Variants in SBF2 observed in about 807,000 individuals in gnomAD.
SBF2 encodes myotubularin-related protein 13.
In SBF2, 112 loss-of-function variants were observed where a neutral mutation model predicts 225.2. The observed-to-expected ratio is 0.50, with a 90% CI of 0.43 to 0.58. The LOEUF is 0.58. Among genes scored for constraint, SBF2 ranks in the 20% least tolerant of loss-of-function variants. The pLI is 0.00. For missense variants in SBF2, 1,996 were observed against 2,206.2 expected (o/e 0.90, Z 1.91); for synonymous variants, 763 against 773.3 (o/e 0.99, Z 0.22).
At chr11:9,881,957 C>A (rs1859799015) in intron 17 of SBF2, among the ~76,000 whole-genome samples, 1 of 152,142 alleles carries the variant, frequency 6.6e-6, no homozygotes, top group African/African-American at 2.4e-5. Flanking sequence ...CACTGCACTT[C>A]AGCCTAGGTG....
chr11:10,057,455 G>C (rs1481647307), intron 2 of SBF2, among the ~76,000 whole-genome samples: 1 of 152,084 alleles, frequency 6.6e-6, no homozygotes, highest in Admixed American at 6.5e-5. Flanking sequence ...TTCTCCCATG[G>C]GTCCCACAAA....
rs1407928850 is a variant in SBF2 at position 9,781,630 on chromosome 11, G to A, written c.5328C>T (p.Tyr1776=). 1 of 1,614,212 alleles carries A rather than the reference G, an allele frequency of 6.2e-7. No individual in the cohort carries two copies. Among genetic ancestry groups the A allele is most frequent in the South Asian group, 1.1e-5 (1 of 91,086 alleles). ...AGCTTGTGTCCTCACCTGAGTCATA[G>A]TAGCGCAGCTGGAACCAAAAGGATA... is the stretch of plus-strand genomic sequence containing the variant. The part of the protein sequence containing the change: ...VLDVTKHQLR[Y]YDSGEDTSCK... Residue 1776 remains tyrosine (Y), a synonymous_variant, in exon 39 of 40, where the codon TAC becomes TAT. Coordinates refer to ENST00000256190, the MANE Select transcript of SBF2 (RefSeq NM_030962.4).
chr11:9,922,620 G>C lies in SBF2; in HGVS notation c.1861-26609C>G, dbSNP rs114420572. ...TTAAAGAAATGTTATTATGGTTATA[G>C]ACCAAACACCATTATCATTTAAAGA... is the stretch of plus-strand genomic sequence containing the variant. On this transcript the variant is annotated intron_variant, in intron 16 of 39. Coordinates refer to ENST00000256190, the MANE Select transcript of SBF2 (RefSeq NM_030962.4). Among the ~76,000 whole-genome samples, 530 of 152,036 alleles carry C rather than the reference G, an allele frequency of 3.5e-3. 4 individuals are homozygous for C. The highest frequency in any genetic ancestry group is 0.012 in the African/African-American group (497 of 41,464).
intron 35 of SBF2, among the ~76,000 whole-genome samples, chr11:9,788,140 C>G (rs891724872): frequency 6.6e-5 from 10 of 152,170 alleles, no homozygotes; most frequent in African/African-American, 2.4e-4. Flanking sequence ...GGAGGAACCC[C>G]TCAACTCTGA....
chr11:9,824,411 G>T (rs1449469317), intron 28 of SBF2, among the ~76,000 whole-genome samples: 1 of 151,966 alleles, frequency 6.6e-6, no homozygotes, highest in African/African-American at 2.4e-5. Flanking sequence ...ACAAAAATTA[G>T]CTGGGCACGG....
chr11:9,926,820 T>A (rs750630312), intron 16 of SBF2, among the ~76,000 whole-genome samples: 1 of 152,094 alleles, frequency 6.6e-6, no homozygotes, highest in African/African-American at 2.4e-5. Context: ...ATCAATCACA[T>A]TAGCATCTAC....
At chr11:10,240,847 C>T (rs1022860486) in intron 1 of SBF2, among the ~76,000 whole-genome samples, 10 of 152,072 alleles carry the variant, frequency 6.6e-5, no homozygotes, top group East Asian at 5.8e-4. Context: ...TATTAAAGTT[C>T]GCAATACGTG....
intron 2 of SBF2, among the ~76,000 whole-genome samples, chr11:10,105,674 T>C (rs1458014022): frequency 2.0e-5 from 3 of 152,222 alleles, no homozygotes; most frequent in Non-Finnish European, 4.4e-5. Context: ...TGTCAAACAC[T>C]TGCTCTCTTA....
intron 1 of SBF2, among the ~76,000 whole-genome samples, chr11:10,234,599 G>C (rs555460285): frequency 1.3e-5 from 2 of 152,036 alleles, no homozygotes; most frequent in Non-Finnish European, 2.9e-5. Flanking sequence ...GATTTTAATT[G>C]ACAACAAAAT....
chr11:10,053,984 A>G (rs1950158161), intron 2 of SBF2, among the ~76,000 whole-genome samples: 1 of 152,106 alleles, frequency 6.6e-6, no homozygotes, highest in Admixed American at 6.6e-5. Context: ...AGAGAAGTCA[A>G]TTTAAGAGTT....
chr11:10,014,156 A>G (rs994980155), intron 6 of SBF2, among the ~76,000 whole-genome samples: 2 of 152,122 alleles, frequency 1.3e-5, no homozygotes, highest in African/African-American at 2.4e-5. Context: ...TCAAAGACCA[A>G]AATTTTAGGT....
chr11:10,051,302 G>C (rs12288355), intron 2 of SBF2, among the ~76,000 whole-genome samples: 70,073 of 151,766 alleles, frequency 0.46, 16,566 homozygotes, highest in Admixed American at 0.56. Flanking sequence ...ATATAACATC[G>C]AGAAAAAGAA....
chr11:9,948,557 A>C (rs1415759303), intron 16 of SBF2, among the ~76,000 whole-genome samples: 1 of 152,116 alleles, frequency 6.6e-6, no homozygotes, highest in Non-Finnish European at 1.5e-5. Flanking sequence ...GCTGCTAGCC[A>C]TTTCTTCAAG....
In SBF2 at chr11:9,781,637, A is replaced by G; in HGVS notation, c.5321T>C (p.Leu1774Pro). Residue 1774 changes from leucine (L) to proline (P), a missense_variant and splice_region_variant, in exon 39 of 40, where the codon CTG becomes CCG. Physicochemically the swap from Leu to Pro is moderately conservative, Grantham distance 98. Transcript: ENST00000256190. ...GTCCTCACCTGAGTCATAGTAGCGC[A>G]GCTGGAACCAAAAGGATACAAGTGA... ...WFVLDVTKHQ[L>P]RYYDSGEDTS... 6.2e-7 allele frequency: 1 copy of G among 1,614,214 alleles called. No individual in the cohort carries two copies. The highest frequency in any genetic ancestry group is 1.1e-5 in the South Asian group (1 of 91,088).
At chr11:9,891,617 T>C (rs1860826569) in intron 17 of SBF2, among the ~76,000 whole-genome samples, 1 of 152,202 alleles carries the variant, frequency 6.6e-6, no homozygotes, top group African/African-American at 2.4e-5. Context: ...AACATAAGTA[T>C]AAAAGATTAC....
intron 13 of SBF2, among the ~76,000 whole-genome samples, chr11:9,980,289 TAAAAAAA>T (rs1170874978): frequency 3.8e-5 from 4 of 105,858 alleles, no homozygotes; most frequent in South Asian, 3.3e-4. Context: ...CTCTTGTAAT[TAAAAAAA>T]AAAAAAAAAA....
At chr11:10,018,071 G>C (rs1440610165) in intron 6 of SBF2, among the ~76,000 whole-genome samples, 1 of 152,066 alleles carries the variant, frequency 6.6e-6, no homozygotes, top group Non-Finnish European at 1.5e-5. Flanking sequence ...AAGCAGTGGG[G>C]AAGAAGAACA....
chr11:10,220,685 T>C (rs533351920), intron 1 of SBF2, among the ~76,000 whole-genome samples: 1 of 152,268 alleles, frequency 6.6e-6, no homozygotes, highest in African/African-American at 2.4e-5. Flanking sequence ...GATTTAAAGT[T>C]CAAAGTTCTT....
At chr11:10,220,029 C>T (rs762598755) in intron 1 of SBF2, among the ~76,000 whole-genome samples, 14 of 152,270 alleles carry the variant, frequency 9.2e-5, no homozygotes, top group Non-Finnish European at 1.6e-4. Flanking sequence ...TATCAATTTA[C>T]TGTTTTAATC....
Sources: allele counts gnomAD v4.1 joint callset (sites outside exome capture counted in the v4.1 genomes callset), GRCh38; gene constraint gnomAD v4.1.1; transcripts MANE v1.5; gene names NCBI Gene and HGNC (gene_info 2026-07-23, HGNC 2026-07-21).